ANKFN1: variants seen among roughly 807,000 people sequenced by gnomAD.
ANKFN1 encodes ankyrin repeat and fibronectin type III domain containing 1, also known as ankyrin repeat and fibronectin type-III domain-containing protein 1.
Under a neutral mutation model 108.7 loss-of-function variants are expected in ANKFN1, and 74 were observed. That is an observed-to-expected ratio of 0.68 (90% CI 0.56 to 0.83). The LOEUF is 0.83. Ranked by LOEUF, ANKFN1 falls within the 40% of genes least tolerant of loss-of-function variation. The pLI is 0.00. For missense variants in ANKFN1, 1,505 were observed against 1,382.3 expected (o/e 1.09, Z -1.41); for synonymous variants, 547 against 516.2 (o/e 1.06, Z -0.81).
At chr17:56,120,999 A>G (rs1906580372) in intron 4 of ANKFN1, among the ~76,000 whole-genome samples, 1 of 152,038 alleles carries the variant, frequency 6.6e-6, no homozygotes, top group Non-Finnish European at 1.5e-5. Context: ...ATTTTAACCT[A>G]TATCCTAGTC....
chr17:56,360,482 C>G (rs928756715), intron 6 of ANKFN1, among the ~76,000 whole-genome samples: 4 of 152,146 alleles, frequency 2.6e-5, no homozygotes, highest in Admixed American at 1.3e-4. Context: ...GACAATTTTT[C>G]TCAATGTTTT....
intron 3 of ANKFN1, among the ~76,000 whole-genome samples, chr17:56,314,916 A>G (rs1216966277): frequency 3.9e-5 from 6 of 152,202 alleles, no homozygotes; most frequent in Admixed American, 3.9e-4. Flanking sequence ...TTAGTCATCA[A>G]AACCATCACT....
intron 8 of ANKFN1, among the ~76,000 whole-genome samples, chr17:56,395,928 T>C (rs1401204672): frequency 2.0e-5 from 3 of 152,124 alleles, no homozygotes; most frequent in Non-Finnish European, 4.4e-5. Context: ...TCTAACTCAC[T>C]TTTGCATCCC....
At position 56,326,247 on chromosome 17, in the gene ANKFN1, C is replaced by T; in HGVS notation, c.80C>T (p.Ala27Val). 9 of 1,613,568 alleles carry T rather than the reference C, an allele frequency of 5.6e-6. No individual in the cohort carries two copies. The highest frequency in any genetic ancestry group is 7.6e-6 in the Non-Finnish European group (9 of 1,179,692). The change falls in exon 4 of 21, where the codon GCA becomes GTA. Residue 27 changes from alanine to valine, a missense_variant. By Grantham distance (64) the Ala-to-Val change is moderately conservative (BLOSUM62 0). Coordinates refer to ENST00000682825, the MANE Select transcript of ANKFN1 (RefSeq NM_001370326.1). ...ATAGGAAGGAGATTCGCTTGCTTTG[C>T]ACAGAGGCTGAGCCACAGGAGAAAG... ...KIIGRRFACF[A>V]QRLSHRRKQS...
chr17:56,290,434 AG>A (rs1202958534), intron 3 of ANKFN1, among the ~76,000 whole-genome samples: 1 of 152,240 alleles, frequency 6.6e-6, no homozygotes, highest in African/African-American at 2.4e-5. Flanking sequence ...GAAGAGCCCA[AG>A]GAAATATTGA....
chr17:56,113,956 G>A (rs966114177), intron 4 of ANKFN1, among the ~76,000 whole-genome samples: 3 of 152,114 alleles, frequency 2.0e-5, no homozygotes, highest in African/African-American at 4.8e-5. Context: ...CTAATTGGAC[G>A]TCAGAACAGA....
chr17:56,154,809 G>A (rs1202896285), intron 1 of ANKFN1, among the ~76,000 whole-genome samples: 1 of 152,210 alleles, frequency 6.6e-6, no homozygotes, highest in Non-Finnish European at 1.5e-5. Flanking sequence ...TGAATTGAAT[G>A]AACAGTGTGG....
At chr17:56,385,334 G>T (rs2144840515) in intron 8 of ANKFN1, among the ~76,000 whole-genome samples, 1 of 152,310 alleles carries the variant, frequency 6.6e-6, no homozygotes, top group East Asian at 1.9e-4. Flanking sequence ...ATGGATTAAA[G>T]ACTTAAATGT....
At chr17:56,251,328 G>A (rs1428927279) in intron 3 of ANKFN1, among the ~76,000 whole-genome samples, 3 of 152,190 alleles carry the variant, frequency 2.0e-5, no homozygotes, top group African/African-American at 7.2e-5. Flanking sequence ...AGGAGTCAGA[G>A]GTTGCAGTGA....
At chr17:56,104,277 TA>T (rs1905701185) in intron 4 of ANKFN1, among the ~76,000 whole-genome samples, 1 of 152,254 alleles carries the variant, frequency 6.6e-6, no homozygotes, top group Admixed American at 6.5e-5. Flanking sequence ...GGCATTCCAA[TA>T]CTTTCTTTTC....
intron 4 of ANKFN1, among the ~76,000 whole-genome samples, chr17:56,137,950 A>G (rs1448128477): frequency 1.3e-5 from 2 of 152,224 alleles, no homozygotes; most frequent in East Asian, 3.9e-4. Context: ...GGGAAAAAAT[A>G]GATGAGTTGC....
chr17:56,510,913 C>A lies in ANKFN1; in HGVS notation c.3085C>A (p.Leu1029Ile). 2 of 1,536,190 alleles carry A rather than the reference C, an allele frequency of 1.3e-6. No individual in the cohort carries two copies. The highest frequency in any genetic ancestry group is 1.7e-6 in the Non-Finnish European group (2 of 1,146,912). The change falls in exon 21 of 21, where the codon CTC (leucine) becomes ATC (isoleucine). Residue 1029 changes from leucine to isoleucine, a missense_variant. Physicochemically the swap from Leu to Ile is conservative, Grantham distance 5 (BLOSUM62 2). Coordinates refer to ENST00000682825, the MANE Select transcript of ANKFN1 (RefSeq NM_001370326.1). ...CCACAGCGAGACCCAGTCGCTATCG[C>A]TCTCTGAGGGCATTTATACACAGCA... is the stretch of plus-strand genomic sequence containing the variant. ...RIHSETQSLS[L>I]SEGIYTQHLS...
chr17:56,299,449 A>G (rs1023667747), intron 3 of ANKFN1, among the ~76,000 whole-genome samples: 28 of 152,172 alleles, frequency 1.8e-4, no homozygotes, highest in African/African-American at 6.0e-4. Flanking sequence ...AGCCTCCCCA[A>G]TCTTAGCAGA....
At chr17:56,311,495 C>T (rs2045025129) in intron 3 of ANKFN1, among the ~76,000 whole-genome samples, 1 of 152,192 alleles carries the variant, frequency 6.6e-6, no homozygotes, top group Admixed American at 6.5e-5. Context: ...GTTATATTTT[C>T]ACTGTATTAA....
At chr17:56,382,366 T>G (rs557713744) in intron 8 of ANKFN1, among the ~76,000 whole-genome samples, 1 of 152,310 alleles carries the variant, frequency 6.6e-6, no homozygotes, top group South Asian at 2.1e-4. Context: ...TACCAGCCAC[T>G]ACAAAATCAT....
At chr17:56,183,847 G>A (rs553826770) in intron 1 of ANKFN1, among the ~76,000 whole-genome samples, 13 of 152,248 alleles carry the variant, frequency 8.5e-5, no homozygotes, top group South Asian at 2.1e-4. Context: ...ACACTTCAGC[G>A]GATGAAGAAA....
chr17:56,408,206 A>T (rs2047980199), intron 8 of ANKFN1, among the ~76,000 whole-genome samples: 1 of 152,172 alleles, frequency 6.6e-6, no homozygotes, highest in Non-Finnish European at 1.5e-5. Context: ...AAGTGCTGAG[A>T]TTACAGGCTT....
intron 4 of ANKFN1, among the ~76,000 whole-genome samples, chr17:56,349,426 T>A (rs1349827965): frequency 6.6e-6 from 1 of 151,262 alleles, no homozygotes; most frequent in Admixed American, 6.6e-5. Flanking sequence ...TTTAACAATA[T>A]AATGAAGATG....
intron 3 of ANKFN1, among the ~76,000 whole-genome samples, chr17:56,255,910 A>C (rs1377094610): frequency 6.6e-6 from 1 of 152,212 alleles, no homozygotes; most frequent in African/African-American, 2.4e-5. Context: ...GCAGTGGCTC[A>C]TGCCTGTAAT....
Sources: gnomAD v4.1 joint callset for allele counts (sites outside exome capture counted in the v4.1 genomes callset) on GRCh38, gnomAD v4.1.1 for gene constraint, MANE v1.5 for transcripts, NCBI Gene and HGNC (gene_info 2026-07-23, HGNC 2026-07-21) for gene names.